The following FRMD4A variants were observed in gnomAD, a reference collection of about 807,000 sequenced individuals.
FRMD4A encodes FERM domain containing 4A.
Under a neutral mutation model 129.1 loss-of-function variants are expected in FRMD4A, and 29 were observed. The observed-to-expected ratio is 0.22, with a 90% confidence interval of 0.17 to 0.31. The LOEUF is 0.31. FRMD4A is among the 10% of genes least tolerant of loss of function. The pLI is 1.00. For synonymous variants in FRMD4A, 634 were observed against 571.6 expected (o/e 1.11, Z -1.56); for missense variants, 1,272 against 1,375.8 (o/e 0.92, Z 1.19).
chr10:13,932,099 C>A (rs937098108), intron 2 of FRMD4A, among the ~76,000 whole-genome samples: 2 of 152,222 alleles, frequency 1.3e-5, no homozygotes, highest in Non-Finnish European at 2.9e-5. Flanking sequence ...TATTACCAAC[C>A]CAAATTCTAT....
intron 12 of FRMD4A, among the ~76,000 whole-genome samples, chr10:13,709,186 A>G (rs1564662590): frequency 6.6e-6 from 1 of 151,886 alleles, no homozygotes; most frequent in Non-Finnish European, 1.5e-5. Context: ...CTGGTCTCCA[A>G]CTCCTGGGCT....
chr10:13,884,134 T>TCACTCA (rs1564970362), intron 2 of FRMD4A, among the ~76,000 whole-genome samples: 1 of 35,700 alleles, frequency 2.8e-5, no homozygotes, highest in South Asian at 9.7e-4. Context: ...ACACACACGC[T>TCACTCA]CACACACACT....
intron 5 of FRMD4A, among the ~76,000 whole-genome samples, chr10:13,794,869 A>T (rs2093080213): frequency 6.6e-6 from 1 of 152,148 alleles, no homozygotes; most frequent in South Asian, 2.1e-4. Flanking sequence ...GCTAGCACCT[A>T]TTTAACCTCT....
At chr10:14,132,203 G>C (rs1020783104) in intron 2 of FRMD4A, among the ~76,000 whole-genome samples, 2 of 152,130 alleles carry the variant, frequency 1.3e-5, no homozygotes, top group East Asian at 1.9e-4. Flanking sequence ...CAGGAGAATC[G>C]CTTGAGTCTG....
Position 13,987,500 on chromosome 10 carries a change from A to T in FRMD4A, c.46-128588T>A, listed in dbSNP as rs369264274. Among the ~76,000 whole-genome samples the T allele has an allele frequency of 2.5e-4, 38 of 152,292 alleles. No homozygotes were observed. The South Asian group carries it at 7.3e-3, about 29-fold the overall frequency. On this transcript the variant is annotated intron_variant, in intron 2 of 24. Coordinates refer to ENST00000357447, the MANE Select transcript of FRMD4A (RefSeq NM_018027.5). ...ATTAAAGTCATTTCTTAATGATGTG[A>T]TATTTCAGTACTTGAGTTCGCCCAA... is the stretch of plus-strand genomic sequence containing the variant.
intron 2 of FRMD4A, among the ~76,000 whole-genome samples, chr10:13,906,257 T>C (rs1224183327): frequency 6.6e-6 from 1 of 152,192 alleles, no homozygotes; most frequent in Admixed American, 6.5e-5. Flanking sequence ...CCTTTTTTTA[T>C]CTGTCTATAT....
intron 3 of FRMD4A, among the ~76,000 whole-genome samples, chr10:13,858,437 A>G (rs10796142): frequency 0.49 from 73,822 of 152,012 alleles, 17,899 homozygotes; most frequent in East Asian, 0.64. Flanking sequence ...CTCTGTCTCA[A>G]AACAAAACAA....
intron 2 of FRMD4A, among the ~76,000 whole-genome samples, chr10:14,130,737 G>A (rs1307681172): frequency 3.9e-5 from 6 of 152,178 alleles, no homozygotes; most frequent in Non-Finnish European, 8.8e-5. Context: ...GCTAAGCATA[G>A]GCATTGCTCC....
intron 3 of FRMD4A, among the ~76,000 whole-genome samples, chr10:13,811,764 GAA>G (rs1365451010): frequency 6.6e-6 from 1 of 151,918 alleles, no homozygotes; most frequent in African/African-American, 2.4e-5. Flanking sequence ...GGCCGGAAGA[GAA>G]GAGTTATTTC....
At chr10:13,657,581 T>C in intron 21 of FRMD4A, 59 bp from the exon 22 acceptor site, 13 of 1,413,740 alleles carry the variant, frequency 9.2e-6, no homozygotes, top group South Asian at 5.8e-5. Flanking sequence ...GGAGGGGTGC[T>C]CCGGGGAGGA....
intron 2 of FRMD4A, among the ~76,000 whole-genome samples, chr10:13,942,551 C>T (rs1272162342): frequency 1.3e-5 from 2 of 152,130 alleles, no homozygotes; most frequent in East Asian, 1.9e-4. Context: ...AGAAAAGGTA[C>T]GAATGAATTG....
At chr10:13,726,301 A>C (rs931772477) in intron 12 of FRMD4A, among the ~76,000 whole-genome samples, 2 of 152,116 alleles carry the variant, frequency 1.3e-5, no homozygotes, top group African/African-American at 4.8e-5. Context: ...ACAAAACAAA[A>C]CAAAAAAGAA....
intron 2 of FRMD4A, among the ~76,000 whole-genome samples, chr10:13,998,808 G>A (rs1255837906): frequency 1.3e-5 from 2 of 152,190 alleles, no homozygotes. Flanking sequence ...TAAGATGATT[G>A]TACTAGTAAC....
At chr10:14,151,120 G>A (rs1840317536) in intron 2 of FRMD4A, among the ~76,000 whole-genome samples, 2 of 152,182 alleles carry the variant, frequency 1.3e-5, no homozygotes, top group Admixed American at 1.3e-4. Context: ...GAGTCTGGTA[G>A]GGTATCTGTC....
intron 2 of FRMD4A, among the ~76,000 whole-genome samples, chr10:13,947,887 A>T (rs1015006207): frequency 6.6e-6 from 1 of 152,188 alleles, no homozygotes. Flanking sequence ...ACTCAAAAAA[A>T]ATAAGCAAAA....
chr10:14,259,435 AT>A (rs1844725310), intron 2 of FRMD4A, among the ~76,000 whole-genome samples: 1 of 152,110 alleles, frequency 6.6e-6, no homozygotes, highest in South Asian at 2.1e-4. Flanking sequence ...TAAAAATGGC[AT>A]TTTTTCAATT....
intron 2 of FRMD4A, among the ~76,000 whole-genome samples, chr10:14,318,288 A>G (rs141324164): frequency 1.9e-3 from 283 of 152,012 alleles, no homozygotes; most frequent in Middle Eastern, 0.014. Context: ...ATGAGAAAAG[A>G]AAGCATTGCA....
intron 2 of FRMD4A, among the ~76,000 whole-genome samples, chr10:13,863,142 ATAC>A (rs2094317243): frequency 6.6e-6 from 1 of 152,158 alleles, no homozygotes; most frequent in East Asian, 1.9e-4. Flanking sequence ...TCTAAAGGAA[ATAC>A]GAAAAAGTGT....
intron 2 of FRMD4A, among the ~76,000 whole-genome samples, chr10:13,962,048 AAT>A (rs2095448940): frequency 6.7e-6 from 1 of 150,250 alleles, no homozygotes; most frequent in Non-Finnish European, 1.5e-5. Context: ...CGAATGAATG[AAT>A]GAATGAATGA....
Sources: allele counts gnomAD v4.1 joint callset (sites outside exome capture counted in the v4.1 genomes callset), GRCh38; gene constraint gnomAD v4.1.1; transcripts MANE v1.5; gene names NCBI Gene and HGNC (gene_info 2026-07-23, HGNC 2026-07-21).